Variants in TMEM132C observed in about 807,000 individuals in gnomAD.
TMEM132C encodes protein phosphatase 1, regulatory subunit 152.
Under a neutral mutation model 61.4 loss-of-function variants are expected in TMEM132C, and 29 were observed. The observed-to-expected ratio is 0.47, with a 90% CI of 0.35 to 0.64. The LOEUF is 0.64. Ranked by LOEUF, TMEM132C falls within the 30% of genes least tolerant of loss-of-function variation. The pLI, the probability that TMEM132C is intolerant of heterozygous loss-of-function variation, is 0.00. For missense variants in TMEM132C, 1,408 were observed against 1,476.9 expected, an observed-to-expected ratio of 0.95 and a Z score of 0.76; for synonymous variants, 656 against 633.1, an observed-to-expected ratio of 1.04 and a Z score of -0.54.
chr12:128,304,228 G>GAGAACAAATGC (rs71069552), intron 1 of TMEM132C, among the ~76,000 whole-genome samples: 81,066 of 151,618 alleles, frequency 0.53, 22,331 homozygotes, highest in Middle Eastern at 0.64. Context: ...TTCTTTACCT[G>GAGAACAAATGC]AGAATCGAGC....
intron 1 of TMEM132C, among the ~76,000 whole-genome samples, chr12:128,410,313 G>A (rs1410102635): frequency 1.3e-5 from 2 of 152,064 alleles, no homozygotes; most frequent in East Asian, 3.9e-4. Context: ...ACCCCAAGCT[G>A]TTTGAGAGTA....
intron 4 of TMEM132C, among the ~76,000 whole-genome samples, chr12:128,626,428 C>A (rs1348828011): frequency 8.4e-6 from 1 of 118,596 alleles, no homozygotes; most frequent in African/African-American, 4.4e-5. Context: ...TGCGCCTGGC[C>A]TGTGCTGAAC....
intron 3 of TMEM132C, among the ~76,000 whole-genome samples, chr12:128,547,600 A>G (rs993487702): frequency 1.3e-5 from 2 of 150,744 alleles, no homozygotes; most frequent in Non-Finnish European, 3.0e-5. Context: ...TCTCATTGTG[A>G]GCTTTTGCAT....
chr12:128,704,968 A>C lies in TMEM132C; in HGVS notation c.2122-122A>C, dbSNP rs946778294. On this transcript the variant is annotated intron_variant, in intron 8 of 8. Coordinates refer to ENST00000435159, the MANE Select transcript of TMEM132C (RefSeq NM_001136103.3). ...ACCTGTATGATTTCTCCCCAGATGC[A>C]TGAGCTACTGGGTCTGGATTTGAGG... 5.6e-6 allele frequency: 6 copies of C among 1,074,178 alleles called. No individual in the cohort carries two copies. In the East Asian group the frequency reaches 1.1e-4, roughly 19 times the overall value. The allele number at this position is 1,074,178 out of a possible 1,614,324, so 66.5% of individuals were successfully genotyped here. A position where few individuals can be genotyped will look rare whatever the true frequency, so the allele number is the denominator to read the frequency against.
At chr12:128,361,062 C>T (rs1281782174) in intron 1 of TMEM132C, among the ~76,000 whole-genome samples, 4 of 152,168 alleles carry the variant, frequency 2.6e-5, no homozygotes, top group Non-Finnish European at 5.9e-5. Context: ...TTATGAAGCT[C>T]ATGGTGCAGG....
chr12:128,423,455 G>A (rs1437284137), intron 2 of TMEM132C, among the ~76,000 whole-genome samples: 1 of 152,178 alleles, frequency 6.6e-6, no homozygotes, highest in Non-Finnish European at 1.5e-5. Context: ...GTGGACACAG[G>A]GAAGAAAGCC....
At chr12:128,500,056 G>C (rs1310695728) in intron 2 of TMEM132C, among the ~76,000 whole-genome samples, 1 of 152,140 alleles carries the variant, frequency 6.6e-6, no homozygotes, top group Non-Finnish European at 1.5e-5. Flanking sequence ...CATATTGCCT[G>C]TCTTTTGGAT....
In TMEM132C at chr12:128,695,986, G is replaced by T. The variant is rs1954759570; in HGVS notation, c.1812G>T (p.Trp604Cys). The change falls in exon 7 of 9, where the codon TGG becomes TGT. Residue 604 changes from tryptophan (W) to cysteine (C), a missense_variant. Physicochemically the swap from Trp to Cys is radical, Grantham distance 215. Transcript: ENST00000435159. ...GQPNYLLSPN[W>C]QFDITHLVAD... ...CGAACTACCTGCTTAGTCCTAACTG[G>T]CAGTTCGACATCACTCACCTGGTGG... 1.3e-6 allele frequency: 2 copies of T among 1,551,672 alleles called. No individual in the cohort carries two copies. Among genetic ancestry groups the T allele is most frequent in the African/African-American group, 2.7e-5 (2 of 73,062 alleles).
intron 2 of TMEM132C, among the ~76,000 whole-genome samples, chr12:128,457,435 G>C (rs1230978876): frequency 6.6e-6 from 1 of 151,812 alleles, no homozygotes; most frequent in Non-Finnish European, 1.5e-5. Context: ...AATTAGCCAG[G>C]TGTGGTGGCG....
chr12:128,637,307 G>A (rs967899930), intron 4 of TMEM132C, among the ~76,000 whole-genome samples: 4 of 152,274 alleles, frequency 2.6e-5, no homozygotes, highest in East Asian at 1.9e-4. Flanking sequence ...AAGTCATCCC[G>A]AAAGCTCTGT....
chr12:128,317,739 G>C (rs1872198656), intron 1 of TMEM132C, among the ~76,000 whole-genome samples: 1 of 152,124 alleles, frequency 6.6e-6, no homozygotes, highest in Non-Finnish European at 1.5e-5. Context: ...ACAAAAATTA[G>C]CCAGTCTTGG....
chr12:128,566,224 G>A (rs966895943), intron 3 of TMEM132C, among the ~76,000 whole-genome samples: 1 of 140,040 alleles, frequency 7.1e-6, no homozygotes, highest in Non-Finnish European at 1.5e-5. Flanking sequence ...ATCAATAGCT[G>A]TCTCTGAGCT....
In TMEM132C at chr12:128,274,653, G is replaced by A. The variant is rs184528368; in HGVS notation, c.85+7166G>A. On this transcript the variant is annotated intron_variant, in intron 1 of 8. Coordinates refer to ENST00000435159, the MANE Select transcript of TMEM132C (RefSeq NM_001136103.3). ...AATTGTCTGGCTTCTTTAGGGTACC[G>A]CAGTTGGAAAACAGGAACCATTTTA... Among the ~76,000 whole-genome samples, 193 of 152,312 alleles carry A rather than the reference G, an allele frequency of 1.3e-3. 1 individual carries two copies. Among genetic ancestry groups the A allele is most frequent in the African/African-American group, 4.2e-3 (174 of 41,572 alleles).
intron 1 of TMEM132C, among the ~76,000 whole-genome samples, chr12:128,298,534 G>C (rs1871496168): frequency 6.6e-6 from 1 of 152,086 alleles, no homozygotes; most frequent in South Asian, 2.1e-4. Context: ...CGGTACGTAC[G>C]ACTCACAGCC....
chr12:128,565,670 A>G (rs1427862940), intron 3 of TMEM132C, among the ~76,000 whole-genome samples: 1 of 152,166 alleles, frequency 6.6e-6, no homozygotes, highest in African/African-American at 2.4e-5. Flanking sequence ...AGAAACTGAT[A>G]TTTAAGGGCA....
chr12:128,681,677 AG>A (rs1954636045), intron 5 of TMEM132C, among the ~76,000 whole-genome samples: 1 of 32,434 alleles, frequency 3.1e-5, no homozygotes, highest in Non-Finnish European at 6.8e-5. Context: ...TTTTTGAGAC[AG>A]AGTCTCACCC....
intron 2 of TMEM132C, among the ~76,000 whole-genome samples, chr12:128,501,913 A>G (rs1872195114): frequency 1.3e-5 from 2 of 152,228 alleles, no homozygotes; most frequent in Admixed American, 1.3e-4. Context: ...CCTGAGAGCC[A>G]TCCTTGGAAA....
At position 128,705,130 on chromosome 12, in the gene TMEM132C, C is replaced by A. The variant is rs1004081678; in HGVS notation, c.2162C>A (p.Ser721Tyr). Residue 721 changes from serine to tyrosine, a missense_variant, in exon 9 of 9, where the codon TCT (serine) becomes TAT (tyrosine). By Grantham distance (144) the Ser-to-Tyr change is moderately radical. Transcript: ENST00000435159. Reference sequence around the variant, plus strand: ...ACGTGGCTGCAGTTCAGTGATGGCTCTGTGACGCCCCTGGACATCTACGAC... The same window carrying A: ...ACGTGGCTGCAGTTCAGTGATGGCTATGTGACGCCCCTGGACATCTACGAC... ...FSTWLQFSDGSVTPLDIYDTK... is the reference protein window; with the variant it reads ...FSTWLQFSDGYVTPLDIYDTK... 46 of 1,549,822 alleles carry A rather than the reference C, an allele frequency of 3.0e-5. No homozygotes were observed. Among genetic ancestry groups the A allele is most frequent in the Non-Finnish European group, 3.4e-5 (39 of 1,145,892 alleles).
At chr12:128,306,293 C>G (rs920751260) in intron 1 of TMEM132C, among the ~76,000 whole-genome samples, 17 of 151,996 alleles carry the variant, frequency 1.1e-4, no homozygotes, top group East Asian at 3.9e-4. Context: ...AGCTCTGCCC[C>G]CCGGGTTCTG....
Sources: allele counts gnomAD v4.1 joint callset (sites outside exome capture counted in the v4.1 genomes callset), GRCh38; gene constraint gnomAD v4.1.1; transcripts MANE v1.5; gene names NCBI Gene and HGNC (gene_info 2026-07-23, HGNC 2026-07-21).